The following CEP192 variants were observed in gnomAD, a reference collection of about 807,000 sequenced individuals.
The protein encoded by CEP192 is centrosomal protein 192.
In CEP192, 151 loss-of-function variants were observed where a neutral mutation model predicts 271.8. That is an observed-to-expected ratio of 0.56 (90% CI 0.49 to 0.64). The LOEUF (loss-of-function observed/expected upper bound fraction) is 0.64. Ranked by LOEUF, CEP192 falls within the 30% of genes least tolerant of loss-of-function variation. The probability of loss-of-function intolerance (pLI) is 0.00; values close to 1 mark genes in which losing one functional copy is unlikely to be tolerated. For synonymous variants in CEP192, 995 were observed against 1,076.5 expected (o/e 0.92, Z 1.48); for missense variants, 2,910 against 3,020.5 (o/e 0.96, Z 0.86).
Position 13,052,241 on chromosome 18 carries a change from A to AG in CEP192, c.3018-675dup, listed in dbSNP as rs1015282202. Among the ~76,000 whole-genome samples the AG allele has an allele frequency of 5.3e-4, 80 of 152,194 alleles. 1 individual carries two copies. Among genetic ancestry groups the AG allele is most frequent in the Non-Finnish European group, 2.8e-4 (19 of 68,032 alleles). On this transcript the variant is annotated intron_variant, in intron 17 of 44. Transcript: ENST00000506447. ...ATCTTTTCATTTTACGTTGTGTAGCAGGGACATCTTTCTGAACCAAGGCTA... is the reference window on the plus strand; with the variant it reads ...ATCTTTTCATTTTACGTTGTGTAGCAGGGGACATCTTTCTGAACCAAGGCTA...
chr18:13,052,800 A>G (rs1598457564), intron 17 of CEP192, 119 bp from the exon 18 acceptor site: 1 of 657,658 alleles, frequency 1.5e-6, no homozygotes, highest in East Asian at 2.6e-5. Context: ...ATTAAGTGTA[A>G]ACATTGAATT....
At position 13,072,999 on chromosome 18, in the gene CEP192, T is replaced by A; in HGVS notation, c.5440-10T>A. On this transcript the variant is annotated splice_polypyrimidine_tract_variant and intron_variant, in intron 29 of 44. Coordinates refer to ENST00000506447, the MANE Select transcript of CEP192 (RefSeq NM_032142.4). ...TTTGTTTTATGCATTTAACTGTTTT[T>A]AAATTGTAGCTTCAGAACACTTTTG... 1 of 1,601,616 alleles carries A rather than the reference T, an allele frequency of 6.2e-7. No homozygotes were observed. Among genetic ancestry groups the A allele is most frequent in the Non-Finnish European group, 8.5e-7 (1 of 1,175,074 alleles).
At chr18:13,095,280 G>A (rs2039337050) in intron 34 of CEP192, among the ~76,000 whole-genome samples, 1 of 152,082 alleles carries the variant, frequency 6.6e-6, no homozygotes, top group African/African-American at 2.4e-5. Flanking sequence ...GGGATTATAG[G>A]CATGATCCAC....
intron 18 of CEP192, among the ~76,000 whole-genome samples, chr18:13,053,386 C>A (rs2036907512): frequency 6.6e-6 from 1 of 152,176 alleles, no homozygotes; most frequent in African/African-American, 2.4e-5. Flanking sequence ...GGTTGGAAGT[C>A]TGACTGCCTT....
intron 39 of CEP192, chr18:13,103,896 C>G (rs2039833005): frequency 2.1e-6 from 1 of 471,302 alleles, no homozygotes; most frequent in Non-Finnish European, 4.2e-6. Flanking sequence ...CACCACACTG[C>G]CCAGGCTGGT....
At chr18:13,104,766 C>T (rs1331208646) in intron 39 of CEP192, among the ~76,000 whole-genome samples, 1 of 152,190 alleles carries the variant, frequency 6.6e-6, no homozygotes, top group African/African-American at 2.4e-5. Flanking sequence ...TGATAAAAAT[C>T]ACCTTGTGTG....
At chr18:13,001,341 C>T (rs2033630413) in intron 2 of CEP192, 116 bp from the exon 3 acceptor site, 3 of 633,192 alleles carry the variant, frequency 4.7e-6, no homozygotes, top group East Asian at 5.7e-5. Flanking sequence ...AATACAGGGG[C>T]CCTATTTGTT....
chr18:13,122,397 G>T (rs2145174705), intron 44 of CEP192, among the ~76,000 whole-genome samples: 1 of 152,252 alleles, frequency 6.6e-6, no homozygotes, highest in East Asian at 1.9e-4. Context: ...ACTCCAGCCT[G>T]GCAAAAGAGC....
chr18:13,050,333 T>G (rs886279518), intron 17 of CEP192, among the ~76,000 whole-genome samples: 3 of 152,212 alleles, frequency 2.0e-5, no homozygotes, highest in African/African-American at 4.8e-5. Context: ...CCAGCAAAAT[T>G]ATCAAAAATG....
chr18:13,090,762 A>C (rs2039103811), intron 33 of CEP192, among the ~76,000 whole-genome samples: 1 of 152,208 alleles, frequency 6.6e-6, no homozygotes, highest in Non-Finnish European at 1.5e-5. Context: ...GTCCCACTAC[A>C]GCCCCACCTC....
chr18:13,085,060 C>T (rs2038832278), intron 30 of CEP192, among the ~76,000 whole-genome samples: 2 of 151,684 alleles, frequency 1.3e-5, no homozygotes, highest in Admixed American at 6.6e-5. Flanking sequence ...CTCCTGATCT[C>T]GTGATCTGCC....
chr18:13,026,630 G>C (rs1031975949), intron 9 of CEP192, among the ~76,000 whole-genome samples: 17 of 152,082 alleles, frequency 1.1e-4, no homozygotes, highest in African/African-American at 2.4e-4. Context: ...GGCATATCCT[G>C]GAGCTCAGAG....
chr18:13,124,637 A>T lies in CEP192; in HGVS notation c.7481A>T (p.Gln2494Leu). The part of the protein sequence containing the change: ...VKHSKYSLRA[Q>L]HYINMPVQFK... The stretch of plus-strand genomic sequence containing the variant: ...ATGTGCCTCTCTCTTTCCAGAGCCC[A>T]GCATTACATCAACATGCCCGTGCAG... The change falls in exon 45 of 45, where the codon CAG becomes CTG. Residue 2494 changes from glutamine to leucine, a missense_variant. By Grantham distance (113) the Gln-to-Leu change is moderately radical. Coordinates refer to ENST00000506447, the MANE Select transcript of CEP192 (RefSeq NM_032142.4). The T allele has an allele frequency of 6.2e-7, 1 of 1,612,696 alleles. No individual in the cohort carries two copies. Among genetic ancestry groups the T allele is most frequent in the Non-Finnish European group, 8.5e-7 (1 of 1,178,922 alleles).
At chr18:13,016,680 C>T (rs1007808754) in intron 6 of CEP192, among the ~76,000 whole-genome samples, 9 of 152,130 alleles carry the variant, frequency 5.9e-5, no homozygotes, top group African/African-American at 2.2e-4. Flanking sequence ...AGTGACATTG[C>T]CAACTTAGAA....
chr18:13,033,784 T>C (rs2035762593), intron 11 of CEP192, among the ~76,000 whole-genome samples: 1 of 152,078 alleles, frequency 6.6e-6, no homozygotes. Context: ...AAATTAAAGA[T>C]AAAGTCCACC....
At chr18:13,057,207 A>G (rs1213112254) in intron 19 of CEP192, among the ~76,000 whole-genome samples, 1 of 150,872 alleles carries the variant, frequency 6.6e-6, no homozygotes, top group African/African-American at 2.4e-5. Flanking sequence ...TTAAAATCTG[A>G]TACGTGTCCA....
In CEP192 at chr18:13,031,287, G is replaced by A. The variant is rs535805831; in HGVS notation, c.1534+679G>A. On this transcript the variant is annotated intron_variant, in intron 11 of 44. Coordinates refer to ENST00000506447, the MANE Select transcript of CEP192 (RefSeq NM_032142.4). ...TTTTGAGACAGAGTCTCGCTCTGTC[G>A]CCCAGGCTGGAGTGCAGTGGCGGGA... Among the ~76,000 whole-genome samples the A allele has an allele frequency of 7.3e-4, 94 of 128,710 alleles. 1 individual carries two copies. In the East Asian group the frequency reaches 0.021, roughly 28 times the overall value. The allele number at this position is 128,710 out of a possible 152,430, so 84.4% of individuals were successfully genotyped here.
chr18:13,062,036 C>T lies in CEP192; in HGVS notation c.4488+2724C>T, dbSNP rs564581247. 5.9e-5 allele frequency among the ~76,000 whole-genome samples: 9 copies of T among 152,254 alleles called. No homozygotes were observed. In the South Asian group the frequency reaches 8.3e-4, roughly 14 times the overall value. On this transcript the variant is annotated intron_variant, in intron 21 of 44. Transcript: ENST00000506447. ...TGCAATATTTGGCATTGCTGTGTCCCGAGCGGCTCACATATATCAGTGGTG... is the reference window on the plus strand; with the variant it reads ...TGCAATATTTGGCATTGCTGTGTCCTGAGCGGCTCACATATATCAGTGGTG...
chr18:13,014,155 T>C (rs1046436147), intron 5 of CEP192, among the ~76,000 whole-genome samples: 3 of 152,238 alleles, frequency 2.0e-5, no homozygotes, highest in Non-Finnish European at 4.4e-5. Flanking sequence ...TCACCCTGTA[T>C]GTGACCCCTA....
Sources: allele counts gnomAD v4.1 joint callset (sites outside exome capture counted in the v4.1 genomes callset), GRCh38; gene constraint gnomAD v4.1.1; transcripts MANE v1.5; gene names NCBI Gene and HGNC (gene_info 2026-07-23, HGNC 2026-07-21).